The following PDGFRL variants were observed in gnomAD, a reference collection of about 807,000 sequenced individuals.
PDGFRL encodes platelet derived growth factor receptor like, also known as platelet-derived growth factor receptor-like protein.
A neutral mutation model predicts 37.2 loss-of-function variants in PDGFRL; 46 were observed. The observed-to-expected ratio is 1.24, with a 90% CI of 0.98 to 1.58. The LOEUF (loss-of-function observed/expected upper bound fraction) is 1.58, where lower values mean the gene tolerates loss of function less well. Ranked by LOEUF, PDGFRL falls within the 40% of genes most tolerant of loss-of-function variation. The probability of loss-of-function intolerance (pLI) is 0.00; values close to 1 mark genes in which losing one functional copy is unlikely to be tolerated. For synonymous variants in PDGFRL, 251 were observed against 184.3 expected, an observed-to-expected ratio of 1.36 and a Z score of -2.93; for missense variants, 692 against 467.6, an observed-to-expected ratio of 1.48 and a Z score of -4.43.
chr8:17,585,145 A>G (rs1236582458), intron 1 of PDGFRL, among the ~76,000 whole-genome samples: 1 of 152,140 alleles, frequency 6.6e-6, no homozygotes, highest in African/African-American at 2.4e-5. Context: ...TTAGCATATA[A>G]TGATCAGTGA....
chr8:17,633,043 C>G (rs2517224), intron 4 of PDGFRL, among the ~76,000 whole-genome samples: 1 of 152,132 alleles, frequency 6.6e-6, no homozygotes, highest in Non-Finnish European at 1.5e-5. Context: ...CTCAGTGTCC[C>G]GCCCCTTTGC....
At chr8:17,634,825 G>A (rs1804937053) in intron 5 of PDGFRL, among the ~76,000 whole-genome samples, 1 of 152,156 alleles carries the variant, frequency 6.6e-6, no homozygotes, top group Admixed American at 6.5e-5. Flanking sequence ...GGGGGTGGAG[G>A]GTGGGAGGAG....
intron 2 of PDGFRL, among the ~76,000 whole-genome samples, chr8:17,592,108 A>G (rs1803953220): frequency 1.3e-5 from 2 of 152,128 alleles, no homozygotes; most frequent in African/African-American, 4.8e-5. Flanking sequence ...CACACTCTCC[A>G]CATCCCATCG....
chr8:17,576,667 T>G (rs1032651185), upstream of PDGFRL: 1 of 975,578 alleles, frequency 1.0e-6, no homozygotes, highest in Non-Finnish European at 1.2e-6. Flanking sequence ...GAACCCGTCC[T>G]CCCACCCCCA....
intron 4 of PDGFRL, 143 bp from the exon 5 acceptor site, chr8:17,633,931 G>A (rs1804913472): frequency 1.2e-6 from 1 of 839,814 alleles, no homozygotes; most frequent in Admixed American, 1.8e-5. Flanking sequence ...CAAGTTGTGG[G>A]CTCACACTGT....
At chr8:17,605,198 T>C (rs571597819) in intron 2 of PDGFRL, among the ~76,000 whole-genome samples, 49 of 152,162 alleles carry the variant, frequency 3.2e-4, no homozygotes, top group African/African-American at 1.2e-3. Context: ...TGCTGAGTAA[T>C]ATAAACCGCA....
intron 2 of PDGFRL, among the ~76,000 whole-genome samples, chr8:17,606,778 C>G (rs2588125): frequency 0.93 from 141,008 of 152,066 alleles, 66,080 homozygotes; most frequent in East Asian, 1. Flanking sequence ...TGCGTGTAAA[C>G]CTCTTGGCAC....
chr8:17,585,551 A>T (rs1397303128), intron 1 of PDGFRL, among the ~76,000 whole-genome samples: 1 of 152,164 alleles, frequency 6.6e-6, no homozygotes, highest in East Asian at 1.9e-4. Context: ...AAAAATGGAA[A>T]AATGAGAGTG....
At chr8:17,628,917 T>C (rs920633771) in intron 4 of PDGFRL, 137 bp downstream of exon 4, 1 of 631,664 alleles carries the variant, frequency 1.6e-6, no homozygotes, top group Non-Finnish European at 2.8e-6. Context: ...GTTGTTGTTT[T>C]TTTTTCTCTT....
intron 2 of PDGFRL, among the ~76,000 whole-genome samples, chr8:17,619,737 T>C (rs993058328): frequency 3.9e-5 from 6 of 152,216 alleles, no homozygotes; most frequent in Non-Finnish European, 8.8e-5. Flanking sequence ...TGTTGACTGC[T>C]TACAAACGAT....
chr8:17,623,795 A>C (rs1237099682), intron 3 of PDGFRL, among the ~76,000 whole-genome samples: 1 of 149,898 alleles, frequency 6.7e-6, no homozygotes, highest in African/African-American at 2.4e-5. Flanking sequence ...GATCGCCTGA[A>C]TCTCGGAGTT....
intron 5 of PDGFRL, among the ~76,000 whole-genome samples, chr8:17,640,261 C>T (rs1019345642): frequency 2.6e-5 from 4 of 152,166 alleles, no homozygotes; most frequent in African/African-American, 9.7e-5. Context: ...AACTGACCTT[C>T]TGAATTCTTT....
At chr8:17,638,693 G>T (rs7837193) in intron 5 of PDGFRL, among the ~76,000 whole-genome samples, 1 of 135,362 alleles carries the variant, frequency 7.4e-6, no homozygotes. Context: ...TTTCTTAGGT[G>T]TAACAGTAAT....
At chr8:17,596,864 C>G (rs1426913855) in intron 2 of PDGFRL, among the ~76,000 whole-genome samples, 1 of 152,240 alleles carries the variant, frequency 6.6e-6, no homozygotes, top group Non-Finnish European at 1.5e-5. Context: ...AAGAAACGGA[C>G]TCTTGACATC....
At chr8:17,597,145 C>G (rs144039493) in intron 2 of PDGFRL, among the ~76,000 whole-genome samples, 4 of 152,244 alleles carry the variant, frequency 2.6e-5, no homozygotes, top group African/African-American at 7.2e-5. Flanking sequence ...CTCAGCCTCC[C>G]GAGTAGCTGA....
intron 2 of PDGFRL, among the ~76,000 whole-genome samples, chr8:17,611,751 T>C (rs1180042498): frequency 6.6e-6 from 1 of 152,104 alleles, no homozygotes; most frequent in East Asian, 1.9e-4. Context: ...CTGGAGGTAA[T>C]GATAAAATGA....
intron 1 of PDGFRL, among the ~76,000 whole-genome samples, chr8:17,582,506 C>T (rs768825424): frequency 2.0e-5 from 3 of 148,146 alleles, no homozygotes; most frequent in African/African-American, 5.0e-5. Context: ...CGCTTGAACT[C>T]GGGAAGAGGA....
chr8:17,621,146 G>A lies in PDGFRL; in HGVS notation c.449G>A (p.Gly150Asp), dbSNP rs369678170. ...AGCTGCTGGGTGCAGCTCTGCAGCG[G>A]CTACATCTGCAGGAAGGACGAGGCC... ...EFSCWVQLCS[G>D]YICRKDEAKT... The change falls in exon 3 of 6, where the codon GGC (glycine) becomes GAC (aspartate). Residue 150 changes from glycine to aspartate, a missense_variant. Coordinates refer to ENST00000251630, the MANE Select transcript of PDGFRL (RefSeq NM_001372073.1). The A allele has an allele frequency of 6.2e-7, 1 of 1,611,906 alleles. No homozygotes were observed. The highest frequency in any genetic ancestry group is 8.5e-7 in the Non-Finnish European group (1 of 1,178,566).
At chr8:17,589,095 G>A (rs1242424501) in intron 1 of PDGFRL, among the ~76,000 whole-genome samples, 1 of 151,718 alleles carries the variant, frequency 6.6e-6, no homozygotes, top group Non-Finnish European at 1.5e-5. Context: ...AAAGCTATGA[G>A]GGCTGGGCAT....
Sources: gnomAD v4.1 joint callset for allele counts (sites outside exome capture counted in the v4.1 genomes callset) on GRCh38, gnomAD v4.1.1 for gene constraint, MANE v1.5 for transcripts, NCBI Gene and HGNC (gene_info 2026-07-23, HGNC 2026-07-21) for gene names.